ZFHX4: variants seen among roughly 807,000 people sequenced by gnomAD.
ZFHX4 encodes zinc finger homeobox protein 4.
Under a neutral mutation model 267.6 loss-of-function variants are expected in ZFHX4, and 56 were observed. The observed-to-expected ratio is 0.21, with a 90% confidence interval of 0.17 to 0.26. The LOEUF (loss-of-function observed/expected upper bound fraction) is 0.26. Ranked by LOEUF, ZFHX4 falls within the 10% of genes least tolerant of loss-of-function variation. The probability of loss-of-function intolerance (pLI) is 1.00; values close to 1 mark genes in which losing one functional copy is unlikely to be tolerated. For missense variants in ZFHX4, 4,332 were observed against 4,420.0 expected (o/e 0.98, Z 0.56); for synonymous variants, 1,778 against 1,665.6 (o/e 1.07, Z -1.64).
chr8:76,846,628 A>C (rs915586341), intron 6 of ZFHX4, among the ~76,000 whole-genome samples: 7 of 152,096 alleles, frequency 4.6e-5, no homozygotes, highest in African/African-American at 1.7e-4. Flanking sequence ...AATAAAATAA[A>C]TATATTCTTA....
In ZFHX4 at chr8:76,855,119, C is replaced by T. The variant is rs924174069; in HGVS notation, c.8198C>T (p.Pro2733Leu). Reference sequence around the variant, plus strand: ...CAGAAATACATCTATTTTGATTACCCATCTTTGCCATTAACTAAAATTGAT... The same window carrying T: ...CAGAAATACATCTATTTTGATTACCTATCTTTGCCATTAACTAAAATTGAT... Reference protein sequence around the residue: ...SPQKYIYFDYPSLPLTKIDLS... With the variant: ...SPQKYIYFDYLSLPLTKIDLS... The change falls in exon 10 of 11, where the codon CCA becomes CTA. Residue 2733 changes from proline to leucine, a missense_variant. This residue lies in a region of ZFHX4 where 1,648 missense variants were observed against 1,625.0 expected (regional missense o/e 1.01). Transcript: ENST00000651372. 2.5e-6 allele frequency: 4 copies of T among 1,613,608 alleles called. No individual in the cohort carries two copies. In the East Asian group the frequency reaches 8.9e-5, roughly 36 times the overall value.
rs758065265 is a variant in ZFHX4, at chr8:76,833,344, C to A, written c.3332C>A (p.Ala1111Asp). 8 of 1,610,494 alleles carry A rather than the reference C, an allele frequency of 5.0e-6. No individual in the cohort carries two copies. The highest frequency in any genetic ancestry group is 6.8e-6 in the Non-Finnish European group (8 of 1,178,140). ...ACTCTGATGTCTTCTGCAGAAACTG[C>A]CTCATTGGGAGCCAGGACTTGTGAT... is the stretch of plus-strand genomic sequence containing the variant. ...KDCPPNELET[A>D]SLGARTCDDD... is the part of the protein sequence containing the mutation. Residue 1111 changes from alanine (A) to aspartate (D), a missense_variant, in exon 5 of 11, where the codon GCC (alanine) becomes GAC (aspartate). This residue lies in a region of ZFHX4 where 1,371 missense variants were observed against 1,423.1 expected (regional missense o/e 0.96). Coordinates refer to ENST00000651372, the MANE Select transcript of ZFHX4 (RefSeq NM_024721.5).
intron 4 of ZFHX4, among the ~76,000 whole-genome samples, chr8:76,790,049 A>AT (rs1810793135): frequency 1.3e-5 from 2 of 152,128 alleles, no homozygotes. Flanking sequence ...GAGTTGTCCT[A>AT]TTGATGCTTA....
chr8:76,682,278 C>T (rs1188736317), intron 1 of ZFHX4, among the ~76,000 whole-genome samples: 1 of 152,186 alleles, frequency 6.6e-6, no homozygotes, highest in African/African-American at 2.4e-5. Flanking sequence ...TTTTCTTCCT[C>T]CTTTTACCAC....
intron 3 of ZFHX4, among the ~76,000 whole-genome samples, chr8:76,709,065 A>G (rs1563476487): frequency 2.0e-5 from 3 of 152,210 alleles, no homozygotes; most frequent in Non-Finnish European, 1.5e-5. Flanking sequence ...GGAGTCAACC[A>G]GTGATTATCA....
intron 3 of ZFHX4, among the ~76,000 whole-genome samples, chr8:76,756,469 A>T (rs951401133): frequency 2.0e-5 from 3 of 151,806 alleles, no homozygotes; most frequent in African/African-American, 7.2e-5. Context: ...AGGCTCATAC[A>T]TTGTAAAAGG....
At chr8:76,712,096 C>T (rs1250611635) in intron 3 of ZFHX4, among the ~76,000 whole-genome samples, 2 of 152,142 alleles carry the variant, frequency 1.3e-5, no homozygotes, top group African/African-American at 4.8e-5. Flanking sequence ...TCCATAATGC[C>T]TTTTTCATAT....
chr8:76,811,911 C>T (rs368580053), intron 4 of ZFHX4, among the ~76,000 whole-genome samples: 17 of 151,942 alleles, frequency 1.1e-4, no homozygotes, highest in Middle Eastern at 3.4e-3. Context: ...GCAACAAGAG[C>T]GAAATTCCGT....
chr8:76,823,396 A>C (rs1332939521), intron 4 of ZFHX4, among the ~76,000 whole-genome samples: 2 of 152,206 alleles, frequency 1.3e-5, no homozygotes, highest in African/African-American at 4.8e-5. Context: ...TTAATGAATG[A>C]TTTATTAAAT....
At chr8:76,695,244 A>G (rs1436073157) in intron 1 of ZFHX4, among the ~76,000 whole-genome samples, 1 of 152,188 alleles carries the variant, frequency 6.6e-6, no homozygotes, top group East Asian at 1.9e-4. Flanking sequence ...TGTTGTATGC[A>G]GGTTCATCAA....
intron 1 of ZFHX4, among the ~76,000 whole-genome samples, chr8:76,694,443 C>T (rs1246407647): frequency 1.3e-5 from 2 of 152,104 alleles, no homozygotes. Flanking sequence ...ACAAGCAAAT[C>T]GGTTGGCCTG....
At chr8:76,844,483 A>G (rs561719403) in intron 6 of ZFHX4, among the ~76,000 whole-genome samples, 7 of 152,240 alleles carry the variant, frequency 4.6e-5, no homozygotes, top group Non-Finnish European at 7.4e-5. Context: ...ATCTAATTTT[A>G]CCATTGAGGA....
chr8:76,756,446 G>A (rs565479641), intron 3 of ZFHX4, among the ~76,000 whole-genome samples: 65 of 152,046 alleles, frequency 4.3e-4, no homozygotes, highest in Non-Finnish European at 7.2e-4. Context: ...TTGAGGTTGG[G>A]ATGGGTGGGT....
Position 76,853,630 on chromosome 8 carries a change from C to G in ZFHX4, c.6709C>G (p.Gln2237Glu). Residue 2237 changes from glutamine to glutamate, a missense_variant, in exon 10 of 11, where the codon CAG (glutamine) becomes GAG (glutamate). Physicochemically the swap from Gln to Glu is conservative, Grantham distance 29. This residue lies in a region of ZFHX4 where 62 missense variants were observed against 69.8 expected (regional missense o/e 0.89). Coordinates refer to ENST00000651372, the MANE Select transcript of ZFHX4 (RefSeq NM_024721.5). ...RSSRTRFTDY[Q>E]LRVLQDFFDT... ...TTCTAGAACGAGATTTACTGACTAC[C>G]AGCTTAGGGTTCTGCAAGACTTTTT... 1 of 1,613,734 alleles carries G rather than the reference C, an allele frequency of 6.2e-7. No homozygotes were observed. Among genetic ancestry groups the G allele is most frequent in the Non-Finnish European group, 8.5e-7 (1 of 1,179,838 alleles).
intron 3 of ZFHX4, among the ~76,000 whole-genome samples, chr8:76,738,188 G>A (rs1209686265): frequency 6.6e-6 from 1 of 152,082 alleles, no homozygotes; most frequent in African/African-American, 2.4e-5. Flanking sequence ...GTAGGTAAAA[G>A]CCACATTCTC....
chr8:76,838,749 G>T (rs1274056422), intron 5 of ZFHX4, among the ~76,000 whole-genome samples: 4 of 152,056 alleles, frequency 2.6e-5, no homozygotes, highest in Non-Finnish European at 4.4e-5. Context: ...AAACCCAATT[G>T]TATGTTAAGA....
chr8:76,848,438 T>G (rs1398880183), intron 6 of ZFHX4, among the ~76,000 whole-genome samples: 1 of 152,206 alleles, frequency 6.6e-6, no homozygotes, highest in Non-Finnish European at 1.5e-5. Context: ...TGCTGAAATA[T>G]CTACAGCAAA....
intron 4 of ZFHX4, among the ~76,000 whole-genome samples, chr8:76,799,427 A>T (rs1811062764): frequency 1.3e-5 from 2 of 152,240 alleles, no homozygotes; most frequent in Non-Finnish European, 2.9e-5. Context: ...ACCTGAATTA[A>T]GGATTTTCAC....
chr8:76,799,706 G>A (rs1014593933), intron 4 of ZFHX4, among the ~76,000 whole-genome samples: 3 of 151,930 alleles, frequency 2.0e-5, no homozygotes, highest in African/African-American at 7.3e-5. Context: ...CTCTTTCCAG[G>A]CCTAGAGTGT....
Sources: gnomAD v4.1 joint callset for allele counts (sites outside exome capture counted in the v4.1 genomes callset) on GRCh38, gnomAD v4.1.1 for gene constraint, gnomAD v4.1.1 regional missense constraint, MANE v1.5 for transcripts, NCBI Gene and HGNC (gene_info 2026-07-23, HGNC 2026-07-21) for gene names.